Variants in FGF13 observed in about 807,000 individuals in gnomAD.
The protein encoded by FGF13 is fibroblast growth factor 13, also known as fibroblast growth factor homologous factor 2.
Under a neutral mutation model 19.5 loss-of-function variants are expected in FGF13, and 2 were observed. The observed-to-expected ratio is 0.10, with a 90% CI of 0.04 to 0.32. The LOEUF (loss-of-function observed/expected upper bound fraction) is 0.32. FGF13 is among the 10% of genes least tolerant of loss of function. The probability of loss-of-function intolerance (pLI) is 1.00; values close to 1 mark genes in which losing one functional copy is unlikely to be tolerated. For synonymous variants in FGF13, 72 were observed against 76.9 expected, an observed-to-expected ratio of 0.94 and a Z score of 0.33; for missense variants, 113 against 192.7, an observed-to-expected ratio of 0.59 and a Z score of 2.45.
At chrX:139,175,782 T>C (rs774693164) in intron 1 of FGF13, among the ~76,000 whole-genome samples, 1 of 112,242 alleles carries the variant, frequency 8.9e-6, no homozygotes, top group South Asian at 3.8e-4. Context: ...TTTTTTGATG[T>C]GCTGCTAGAT....
intron 3 of FGF13, among the ~76,000 whole-genome samples, chrX:138,672,490 T>C (rs770041139): frequency 4.9e-4 from 55 of 111,919 alleles, no homozygotes; most frequent in African/African-American, 1.7e-3. Context: ...TCCAAGGATG[T>C]TGACCTAAGC....
chrX:138,984,456 GAGGAGAAGGAGAAGA>G (rs201240048), intron 1 of FGF13, among the ~76,000 whole-genome samples: 2,233 of 92,005 alleles, frequency 0.024, 61 homozygotes, highest in East Asian at 0.055. Flanking sequence ...GGAGGAGAAA[GAGGAGAAGGAGAAGA>G]AGGAGAAGGA....
At chrX:138,955,896 G>C (rs1007520193) in intron 1 of FGF13, among the ~76,000 whole-genome samples, 2 of 111,717 alleles carry the variant, frequency 1.8e-5, no homozygotes, top group African/African-American at 3.3e-5. Context: ...TCTCCACTTT[G>C]GTACTCTGAA....
At chrX:138,915,429 C>G (rs1228584522) in intron 1 of FGF13, among the ~76,000 whole-genome samples, 2 of 111,938 alleles carry the variant, frequency 1.8e-5, no homozygotes, top group African/African-American at 6.5e-5. Flanking sequence ...AGCATGCATT[C>G]TTGTTTGCTT....
chrX:139,194,050 A>T (rs893477784), intron 1 of FGF13, among the ~76,000 whole-genome samples: 1 of 112,167 alleles, frequency 8.9e-6, no homozygotes, highest in East Asian at 2.8e-4. Flanking sequence ...AAGGATCTCA[A>T]GGAGGTGCAG....
chrX:138,728,100 T>C (rs753542782), intron 1 of FGF13, among the ~76,000 whole-genome samples: 1 of 111,780 alleles, frequency 8.9e-6, no homozygotes, highest in African/African-American at 3.2e-5. Flanking sequence ...AACACATTTA[T>C]ATTAGATCAA....
intron 1 of FGF13, among the ~76,000 whole-genome samples, chrX:139,131,238 C>G (rs2083758031): frequency 9.0e-6 from 1 of 111,410 alleles, no homozygotes; most frequent in South Asian, 3.8e-4. Flanking sequence ...CCAGATAAAT[C>G]TGGGTTCAAA....
At chrX:138,875,231 CAA>C (rs748124343) in intron 1 of FGF13, among the ~76,000 whole-genome samples, 14 of 39,830 alleles carry the variant, frequency 3.5e-4, no homozygotes, top group African/African-American at 9.3e-4. Flanking sequence ...GACTCTGTCT[CAA>C]AAAAAAAAAA....
intron 1 of FGF13, among the ~76,000 whole-genome samples, chrX:139,191,574 C>T (rs1482130970): frequency 2.7e-5 from 3 of 111,503 alleles, no homozygotes; most frequent in Non-Finnish European, 5.6e-5. Context: ...AAGTAACTAG[C>T]AGTAATAGGT....
chrX:138,622,246 G>T lies in FGF13; in HGVS notation c.*10604C>A, dbSNP rs962043716. On this transcript the variant is annotated 3_prime_UTR_variant, in exon 5 of 5. Coordinates refer to ENST00000315930, the MANE Select transcript of FGF13 (RefSeq NM_004114.5). ...AAAGAACTTAACATCACATTAAAAA[G>T]ATCATTCACCATAATCAAGTGAGAG... is the stretch of plus-strand genomic sequence containing the variant. 2 of 111,250 alleles carry T rather than the reference G, an allele frequency of 1.8e-5. No individual in the cohort carries two copies. The highest frequency in any genetic ancestry group is 3.3e-5 in the African/African-American group (1 of 30,648). The allele number at this position is 111,250 out of a possible 1,213,427, so 9.2% of individuals were successfully genotyped here. A position where few individuals can be genotyped will look rare whatever the true frequency, so the allele number is the denominator to read the frequency against.
At chrX:138,972,056 T>TTGTGTGTGTGTGTGTGTGTGTG (rs370317832) in intron 1 of FGF13, among the ~76,000 whole-genome samples, 13 of 94,989 alleles carry the variant, frequency 1.4e-4, no homozygotes, top group Non-Finnish European at 2.5e-4. Flanking sequence ...TAGTATTCTA[T>TTGTGTGTGTGTGTGTGTGTGTG]TGTGTGTGTG....
intron 1 of FGF13, among the ~76,000 whole-genome samples, chrX:139,182,011 C>T (rs181925480): frequency 9.1e-6 from 1 of 109,738 alleles, no homozygotes; most frequent in Non-Finnish European, 1.9e-5. Context: ...TTGTTTTAGA[C>T]AGAGACACTC....
At chrX:139,126,681 C>T (rs1303522396) in intron 1 of FGF13, among the ~76,000 whole-genome samples, 1 of 111,902 alleles carries the variant, frequency 8.9e-6, no homozygotes, top group East Asian at 2.8e-4. Flanking sequence ...GAATAATGAC[C>T]TCTAGAGGGA....
At chrX:139,154,264 AG>A (rs2083959419) in intron 1 of FGF13, among the ~76,000 whole-genome samples, 1 of 111,374 alleles carries the variant, frequency 9.0e-6, no homozygotes, top group Non-Finnish European at 1.9e-5. Flanking sequence ...GGAGTGGGCA[AG>A]GGGACAAAAA....
chrX:138,745,192 T>A (rs1186903501), intron 3 of FGF13, among the ~76,000 whole-genome samples: 1 of 112,007 alleles, frequency 8.9e-6, no homozygotes, highest in African/African-American at 3.2e-5. Flanking sequence ...ATACCACAAA[T>A]CATACATCTT....
intron 3 of FGF13, among the ~76,000 whole-genome samples, chrX:138,813,805 T>C (rs1480575562): frequency 8.9e-6 from 1 of 111,884 alleles, no homozygotes; most frequent in Non-Finnish European, 1.9e-5. Context: ...TTATCAGTCA[T>C]GACTGTCATC....
At chrX:138,833,002 T>C (rs1295283159) in intron 3 of FGF13, among the ~76,000 whole-genome samples, 1 of 111,754 alleles carries the variant, frequency 8.9e-6, no homozygotes, top group Non-Finnish European at 1.9e-5. Flanking sequence ...GGGCTCTCTA[T>C]TCTGTTCCAT....
intron 3 of FGF13, among the ~76,000 whole-genome samples, chrX:138,675,548 TATAA>T (rs757779839): frequency 3.4e-3 from 379 of 111,821 alleles, no homozygotes; most frequent in African/African-American, 0.012. Flanking sequence ...GTATTTATTA[TATAA>T]ATGTTATAAA....
intron 1 of FGF13, among the ~76,000 whole-genome samples, chrX:139,150,267 A>G (rs2083923685): frequency 8.9e-6 from 1 of 111,996 alleles, no homozygotes; most frequent in South Asian, 3.7e-4. Context: ...TGATCCCCGT[A>G]CCTCAAGAAC....
Sources: gnomAD v4.1 joint callset for allele counts (sites outside exome capture counted in the v4.1 genomes callset) on GRCh38, gnomAD v4.1.1 for gene constraint, MANE v1.5 for transcripts, NCBI Gene and HGNC (gene_info 2026-07-23, HGNC 2026-07-21) for gene names.